Variants in FILIP1L observed in about 807,000 individuals in gnomAD.
FILIP1L encodes the protein filamin A-interacting protein 1-like.
Under a neutral mutation model 96.6 loss-of-function variants are expected in FILIP1L, and 55 were observed. That is an observed-to-expected ratio of 0.57 (90% CI 0.46 to 0.71). The LOEUF (loss-of-function observed/expected upper bound fraction) is 0.71. Ranked by LOEUF, FILIP1L falls within the 30% of genes least tolerant of loss-of-function variation. The pLI is 0.00. For missense variants in FILIP1L, 1,304 were observed against 1,321.2 expected (o/e 0.99, Z 0.20); for synonymous variants, 467 against 473.9 (o/e 0.99, Z 0.19).
intron 4 of FILIP1L, among the ~76,000 whole-genome samples, chr3:99,859,146 GT>G (rs1412341909): frequency 6.6e-6 from 1 of 152,210 alleles, no homozygotes; most frequent in African/African-American, 2.4e-5. Flanking sequence ...AAGTTGCCTG[GT>G]TTTTATAAAT....
At chr3:100,107,516 G>A (rs1196730366) in intron 1 of FILIP1L, among the ~76,000 whole-genome samples, 2 of 152,132 alleles carry the variant, frequency 1.3e-5, no homozygotes, top group Non-Finnish European at 2.9e-5. Flanking sequence ...TAATGCTTCA[G>A]TACAGTCTTT....
intron 4 of FILIP1L, among the ~76,000 whole-genome samples, chr3:99,897,296 C>T (rs556877949): frequency 2.2e-4 from 34 of 151,398 alleles, no homozygotes; most frequent in Non-Finnish European, 4.6e-4. Flanking sequence ...GAGGCCTCCG[C>T]GGGAGGAGGT....
chr3:100,012,779 T>TTTGGGGGG (rs1710197030), intron 1 of FILIP1L, among the ~76,000 whole-genome samples: 1 of 134,766 alleles, frequency 7.4e-6, no homozygotes, highest in Non-Finnish European at 1.6e-5. Context: ...TTTTTTTTTT[T>TTTGGGGGG]GGGTTGGGGG....
At position 99,850,142 on chromosome 3, in the gene FILIP1L, T is replaced by C; in HGVS notation, c.1534A>G (p.Lys512Glu). The stretch of plus-strand genomic sequence containing the variant: ...GCTTGTAATTTATCTTCAGTTTTCT[T>C]TAATTTTTCACTCATTGTTTTCCGT... The part of the protein sequence containing the change: ...DERKTMSEKL[K>E]KTEDKLQAAS... Residue 512 changes from lysine to glutamate, a missense_variant, in exon 5 of 6, where the codon AAG becomes GAG. Coordinates refer to ENST00000477258, the MANE Select transcript of FILIP1L (RefSeq NM_001387850.1). 1 of 1,611,682 alleles carries C rather than the reference T, an allele frequency of 6.2e-7. No individual in the cohort carries two copies. Among genetic ancestry groups the C allele is most frequent in the African/African-American group, 1.3e-5 (1 of 74,854 alleles).
intron 1 of FILIP1L, among the ~76,000 whole-genome samples, chr3:99,997,045 A>G (rs1709705842): frequency 6.6e-6 from 1 of 152,250 alleles, no homozygotes; most frequent in African/African-American, 2.4e-5. Flanking sequence ...CATCAATAAA[A>G]TATCTGAAAT....
At chr3:99,940,787 A>G (rs1448049063) in intron 1 of FILIP1L, among the ~76,000 whole-genome samples, 1 of 152,260 alleles carries the variant, frequency 6.6e-6, no homozygotes, top group Non-Finnish European at 1.5e-5. Flanking sequence ...CCTCTTGCCT[A>G]GGCCAACCCA....
At chr3:100,054,955 T>G (rs2065439445) in intron 1 of FILIP1L, among the ~76,000 whole-genome samples, 1 of 152,252 alleles carries the variant, frequency 6.6e-6, no homozygotes, top group Non-Finnish European at 1.5e-5. Flanking sequence ...CAGAAACTTC[T>G]GAATGCCCTT....
chr3:99,862,189 CTAAA>C (rs1470703561), intron 4 of FILIP1L, among the ~76,000 whole-genome samples: 6 of 151,938 alleles, frequency 3.9e-5, no homozygotes, highest in Admixed American at 2.0e-4. Flanking sequence ...GTTATAGGCC[CTAAA>C]TATAGTTTTA....
chr3:100,016,756 A>AC (rs1363108273), intron 1 of FILIP1L, among the ~76,000 whole-genome samples: 66 of 152,322 alleles, frequency 4.3e-4, no homozygotes, highest in African/African-American at 1.5e-3. Context: ...GTAACATTTT[A>AC]GATATGTGCA....
intron 5 of FILIP1L, among the ~76,000 whole-genome samples, chr3:99,844,195 C>T (rs192754389): frequency 7.4e-4 from 113 of 152,214 alleles, no homozygotes; most frequent in African/African-American, 2.6e-3. Context: ...TTTGAAGTAC[C>T]GTTTTAGGGC....
At chr3:99,999,838 AC>A (rs1429760790) in intron 1 of FILIP1L, among the ~76,000 whole-genome samples, 10 of 152,212 alleles carry the variant, frequency 6.6e-5, no homozygotes, top group African/African-American at 1.7e-4. Flanking sequence ...ATTTAAAAAA[AC>A]AAAACAAAAC....
chr3:100,008,030 C>T (rs1710038572), intron 1 of FILIP1L, among the ~76,000 whole-genome samples: 1 of 152,262 alleles, frequency 6.6e-6, no homozygotes, highest in African/African-American at 2.4e-5. Context: ...TGCCTGGGAC[C>T]TGTACACAAA....
chr3:99,977,372 G>A (rs916311424), intron 1 of FILIP1L, among the ~76,000 whole-genome samples: 1 of 152,112 alleles, frequency 6.6e-6, no homozygotes, highest in African/African-American at 2.4e-5. Flanking sequence ...GGAGAATAGA[G>A]AGATCTGAAG....
intron 1 of FILIP1L, among the ~76,000 whole-genome samples, chr3:99,945,389 T>C (rs1707978837): frequency 6.6e-6 from 1 of 152,148 alleles, no homozygotes; most frequent in Non-Finnish European, 1.5e-5. Flanking sequence ...TGGGGATAGA[T>C]TGAGCTTGGG....
intron 1 of FILIP1L, among the ~76,000 whole-genome samples, chr3:100,092,502 T>C (rs1325532857): frequency 6.6e-6 from 1 of 151,820 alleles, no homozygotes; most frequent in Non-Finnish European, 1.5e-5. Context: ...CAAATGGAAG[T>C]TAAGGTCTAA....
chr3:100,026,178 A>G (rs1025057654), intron 1 of FILIP1L, among the ~76,000 whole-genome samples: 4 of 152,200 alleles, frequency 2.6e-5, no homozygotes, highest in Non-Finnish European at 5.9e-5. Context: ...CTGGAAGAGT[A>G]GGCTGTAGCA....
intron 1 of FILIP1L, among the ~76,000 whole-genome samples, chr3:99,979,766 A>G (rs1174533394): frequency 6.6e-6 from 1 of 152,200 alleles, no homozygotes; most frequent in Non-Finnish European, 1.5e-5. Flanking sequence ...TTGTAAGGAT[A>G]TAAAGAGGAA....
chr3:99,847,199 T>TA (rs1044031540), intron 5 of FILIP1L, among the ~76,000 whole-genome samples: 5 of 151,456 alleles, frequency 3.3e-5, no homozygotes, highest in African/African-American at 4.8e-5. Flanking sequence ...TTTGCTTGTT[T>TA]AAAAAAAACT....
chr3:99,911,691 C>T (rs1014821592), intron 4 of FILIP1L, among the ~76,000 whole-genome samples: 1 of 152,196 alleles, frequency 6.6e-6, no homozygotes, highest in Non-Finnish European at 1.5e-5. Flanking sequence ...TCGCTCCCTG[C>T]AGAGCTAATC....
Sources: gnomAD v4.1 joint callset for allele counts (sites outside exome capture counted in the v4.1 genomes callset) on GRCh38, gnomAD v4.1.1 for gene constraint, MANE v1.5 for transcripts, NCBI Gene and HGNC (gene_info 2026-07-23, HGNC 2026-07-21) for gene names.